SYN3: variants seen among roughly 807,000 people sequenced by gnomAD.
SYN3 encodes synapsin III.
In SYN3, 35 loss-of-function variants were observed where a neutral mutation model predicts 65.8. That is an observed-to-expected ratio of 0.53 (90% CI 0.41 to 0.70). The LOEUF (loss-of-function observed/expected upper bound fraction) is 0.70. Among genes scored for constraint, SYN3 ranks in the 30% least tolerant of loss-of-function variants. SYN3 has a pLI of 0.00. For missense variants in SYN3, 680 were observed against 749.0 expected, an observed-to-expected ratio of 0.91 and a Z score of 1.08; for synonymous variants, 270 against 292.9, an observed-to-expected ratio of 0.92 and a Z score of 0.80.
chr22:32,721,764 T>A lies in SYN3; in HGVS notation c.712-125028A>T, dbSNP rs2061122346. 2.0e-5 allele frequency among the ~76,000 whole-genome samples: 3 copies of A among 152,176 alleles called. No homozygotes were observed. The South Asian group carries it at 6.2e-4, about 32-fold the overall frequency. On this transcript the variant is annotated intron_variant, in intron 6 of 13. Transcript: ENST00000358763. ...GATGGTAAACAACTGAACAATTAAG[T>A]AAACATGACAATGTCAGATGATAAA...
chr22:32,794,275 C>T (rs949589342), intron 6 of SYN3, among the ~76,000 whole-genome samples: 2 of 152,230 alleles, frequency 1.3e-5, no homozygotes, highest in African/African-American at 4.8e-5. Context: ...TATTGAAGCT[C>T]TCTGTGACTA....
chr22:32,886,577 G>A (rs141959593), intron 4 of SYN3, among the ~76,000 whole-genome samples: 7 of 152,272 alleles, frequency 4.6e-5, no homozygotes, highest in Admixed American at 1.3e-4. Flanking sequence ...CATTTGAAAC[G>A]TAGTTTGATT....
intron 6 of SYN3, among the ~76,000 whole-genome samples, chr22:32,702,228 A>G (rs1330096612): frequency 6.6e-6 from 1 of 152,230 alleles, no homozygotes; most frequent in Non-Finnish European, 1.5e-5. Context: ...CTGTAATCCC[A>G]GCACTTTGGG....
chr22:32,938,445 G>A (rs895642264), intron 3 of SYN3, among the ~76,000 whole-genome samples: 8 of 150,944 alleles, frequency 5.3e-5, no homozygotes, highest in African/African-American at 2.0e-4. Flanking sequence ...CAGGAGAATC[G>A]CATGAACCCG....
intron 7 of SYN3, among the ~76,000 whole-genome samples, chr22:32,587,868 C>T (rs768794487): frequency 5.9e-5 from 9 of 152,130 alleles, no homozygotes; most frequent in Admixed American, 1.3e-4. Context: ...ACAACAAACC[C>T]TGTACCTGCA....
chr22:32,580,408 G>A (rs2058922416), intron 7 of SYN3, among the ~76,000 whole-genome samples: 1 of 152,176 alleles, frequency 6.6e-6, no homozygotes, highest in South Asian at 2.1e-4. Flanking sequence ...CATGACTTCT[G>A]TGACAGTAGA....
intron 2 of SYN3, among the ~76,000 whole-genome samples, chr22:32,994,590 C>A (rs1483155009): frequency 6.6e-6 from 1 of 152,146 alleles, no homozygotes; most frequent in Non-Finnish European, 1.5e-5. Context: ...GGATTTTGTT[C>A]CTCAGAGCCA....
At chr22:32,791,073 C>T (rs554380298) in intron 6 of SYN3, among the ~76,000 whole-genome samples, 2 of 152,332 alleles carry the variant, frequency 1.3e-5, no homozygotes, top group Non-Finnish European at 2.9e-5. Context: ...ACCTTGGCTA[C>T]ATTACTAAAC....
At chr22:32,667,149 T>C (rs2060300026) in intron 6 of SYN3, among the ~76,000 whole-genome samples, 2 of 151,962 alleles carry the variant, frequency 1.3e-5, no homozygotes, top group African/African-American at 4.8e-5. Context: ...CTTCCTTCCT[T>C]CCTCCCTTCC....
chr22:32,716,887 G>A (rs1056455445), intron 6 of SYN3, among the ~76,000 whole-genome samples: 2 of 151,920 alleles, frequency 1.3e-5, no homozygotes, highest in African/African-American at 4.8e-5. Context: ...ATTTTTAAGT[G>A]TACCATTCAG....
intron 4 of SYN3, among the ~76,000 whole-genome samples, chr22:32,898,957 C>G (rs1035408227): frequency 1.3e-5 from 2 of 152,140 alleles, no homozygotes; most frequent in African/African-American, 4.8e-5. Flanking sequence ...AAAAAATTAG[C>G]TGGATGTGGT....
intron 1 of SYN3, among the ~76,000 whole-genome samples, chr22:33,017,670 T>C (rs1374179864): frequency 6.6e-6 from 1 of 152,208 alleles, no homozygotes; most frequent in Non-Finnish European, 1.5e-5. Context: ...TAGCAGTTAG[T>C]TTGTTGTTAG....
intron 12 of SYN3, among the ~76,000 whole-genome samples, chr22:32,525,429 C>A (rs1048333404): frequency 6.6e-6 from 1 of 151,176 alleles, no homozygotes; most frequent in East Asian, 2.2e-4. Context: ...ATGAAGGGGC[C>A]GGGCGCAGTG....
intron 6 of SYN3, among the ~76,000 whole-genome samples, chr22:32,770,490 C>T (rs5998629): frequency 0.12 from 18,544 of 152,216 alleles, 1,151 homozygotes; most frequent in Admixed American, 0.16. Context: ...CTCTGCTCCT[C>T]GTGCTGCTCC....
chr22:32,774,135 G>C (rs1433939334), intron 6 of SYN3, among the ~76,000 whole-genome samples: 1 of 152,118 alleles, frequency 6.6e-6, no homozygotes, highest in Non-Finnish European at 1.5e-5. Context: ...ATTGATCCTG[G>C]GGACAAGAAA....
rs185391790 is a variant in SYN3 at position 32,961,691 on chromosome 22, G to A, written c.369+18954C>T. The stretch of plus-strand genomic sequence containing the variant: ...CTGTGCAGAGAAAGATAATGAGGCC[G>A]CCCCTCAGCTGGGCTGGAAGGCATT... On this transcript the variant is annotated intron_variant, in intron 3 of 13. Transcript: ENST00000358763. 7.9e-5 allele frequency among the ~76,000 whole-genome samples: 12 copies of A among 152,352 alleles called. No individual in the cohort carries two copies. The East Asian group carries it at 1.7e-3, about 22-fold the overall frequency.
rs1226724143 is a variant in SYN3 at position 32,858,090 on chromosome 22, C to T, written c.711+6825G>A. On this transcript the variant is annotated intron_variant, in intron 6 of 13. Coordinates refer to ENST00000358763, the MANE Select transcript of SYN3 (RefSeq NM_003490.4). ...AGAGGTGGGACCAGCTCACCCTCTC[C>T]CAGCGCAAGGGGCTGAACTATCGGT... 2 of 1,614,060 alleles carry T rather than the reference C, an allele frequency of 1.2e-6. No homozygotes were observed. Among genetic ancestry groups the T allele is most frequent in the Admixed American group, 1.7e-5 (1 of 59,998 alleles).
intron 7 of SYN3, among the ~76,000 whole-genome samples, chr22:32,560,778 G>A (rs1006393246): frequency 1.3e-5 from 2 of 152,198 alleles, no homozygotes; most frequent in East Asian, 1.9e-4. Flanking sequence ...GGCTTGAAAG[G>A]TTCGCTTTGT....
chr22:32,813,668 T>TA (rs1413496685), intron 6 of SYN3, among the ~76,000 whole-genome samples: 11 of 151,666 alleles, frequency 7.3e-5, no homozygotes, highest in African/African-American at 2.7e-4. Flanking sequence ...ACCCAATTTT[T>TA]TTTTTTTTGG....
Sources: gnomAD v4.1 joint callset for allele counts (sites outside exome capture counted in the v4.1 genomes callset) on GRCh38, gnomAD v4.1.1 for gene constraint, MANE v1.5 for transcripts, NCBI Gene and HGNC (gene_info 2026-07-23, HGNC 2026-07-21) for gene names.